Variants in CTIF observed in about 807,000 individuals in gnomAD.
CTIF encodes the protein cap binding complex dependent translation initiation factor.
Under a neutral mutation model 66.0 loss-of-function variants are expected in CTIF, and 21 were observed. The ratio of observed to expected loss-of-function variants is 0.32; its 90% confidence interval spans 0.23 to 0.46. The LOEUF is 0.46. Ranked by LOEUF, CTIF falls within the 20% of genes least tolerant of loss-of-function variation. The pLI is 1.00. For synonymous variants in CTIF, 345 were observed against 326.4 expected (o/e 1.06, Z -0.62); for missense variants, 739 against 812.7 (o/e 0.91, Z 1.10).
intron 1 of CTIF, among the ~76,000 whole-genome samples, chr18:48,575,043 G>A (rs1345683676): frequency 1.3e-5 from 2 of 152,174 alleles, no homozygotes; most frequent in Non-Finnish European, 2.9e-5. Flanking sequence ...GCTCCTTGGA[G>A]CTCCCAGTTC....
intron 7 of CTIF, among the ~76,000 whole-genome samples, chr18:48,722,677 G>A (rs2092350589): frequency 6.6e-6 from 1 of 151,568 alleles, no homozygotes; most frequent in Admixed American, 6.6e-5. Flanking sequence ...AGCGCTCACA[G>A]GTGTAAGCAC....
chr18:48,694,939 C>T (rs1192201265), intron 6 of CTIF, among the ~76,000 whole-genome samples: 2 of 152,200 alleles, frequency 1.3e-5, no homozygotes, highest in Non-Finnish European at 2.9e-5. Context: ...CATCTTTGTC[C>T]ATCTAATCTT....
chr18:48,676,779 G>T (rs1481366002), intron 6 of CTIF, among the ~76,000 whole-genome samples: 1 of 151,724 alleles, frequency 6.6e-6, no homozygotes, highest in African/African-American at 2.4e-5. Flanking sequence ...TTCCTTCCTC[G>T]TTCTTCTGCT....
chr18:48,719,755 G>A (rs1020153210), intron 7 of CTIF, among the ~76,000 whole-genome samples: 6 of 152,106 alleles, frequency 3.9e-5, no homozygotes, highest in Admixed American at 6.5e-5. Context: ...TCACATTTTT[G>A]TGCTTTTCCT....
rs2068618813 is a variant in CTIF, at chr18:48,828,019, C to T, written c.1527+10643C>T. Reference sequence around the variant, plus strand: ...ACCCACCCCACCTCCACTCCCGACCCTCTCCCCAGCCCCCACCCTTTGACT... The same window carrying T: ...ACCCACCCCACCTCCACTCCCGACCTTCTCCCCAGCCCCCACCCTTTGACT... On this transcript the variant is annotated intron_variant, in intron 10 of 11. Transcript: ENST00000256413. Among the ~76,000 whole-genome samples the T allele has an allele frequency of 4.0e-5, 6 of 151,756 alleles. No homozygotes were observed. In the South Asian group the frequency reaches 1.3e-3, roughly 32 times the overall value.
chr18:48,691,353 C>T (rs1363895067), intron 6 of CTIF, among the ~76,000 whole-genome samples: 1 of 152,180 alleles, frequency 6.6e-6, no homozygotes, highest in African/African-American at 2.4e-5. Context: ...TACTCTTCCT[C>T]TCTCCCTCCC....
chr18:48,594,298 A>G (rs2089949575), intron 1 of CTIF, among the ~76,000 whole-genome samples: 1 of 152,016 alleles, frequency 6.6e-6, no homozygotes, highest in African/African-American at 2.4e-5. Flanking sequence ...TTTTATTTTG[A>G]GCAAGAAGCC....
chr18:48,839,121 T>A (rs745738164), intron 10 of CTIF, among the ~76,000 whole-genome samples: 2 of 152,126 alleles, frequency 1.3e-5, no homozygotes, highest in Non-Finnish European at 2.9e-5. Context: ...CCACCACTTT[T>A]CTGCCTCTCC....
chr18:48,585,132 G>A (rs1028378006), intron 1 of CTIF, among the ~76,000 whole-genome samples: 1 of 152,260 alleles, frequency 6.6e-6, no homozygotes, highest in South Asian at 2.1e-4. Flanking sequence ...GGAACAATGT[G>A]TAGCCACATT....
At chr18:48,600,527 G>A (rs1048576367) in intron 1 of CTIF, among the ~76,000 whole-genome samples, 2 of 152,048 alleles carry the variant, frequency 1.3e-5, no homozygotes, top group African/African-American at 2.4e-5. Context: ...TCTCTCATTC[G>A]CCTTGGTATC....
intron 3 of CTIF, 105 bp from the exon 4 acceptor site, chr18:48,663,647 C>A: frequency 9.8e-7 from 1 of 1,017,994 alleles, no homozygotes; most frequent in Admixed American, 1.8e-5. Context: ...ACCATACTCA[C>A]TTGGGGGCTC....
At chr18:48,827,645 G>A (rs1294034252) in intron 10 of CTIF, among the ~76,000 whole-genome samples, 2 of 150,390 alleles carry the variant, frequency 1.3e-5, no homozygotes, top group East Asian at 2.0e-4. Context: ...CACAGACCCC[G>A]CCTGGAATGT....
At chr18:48,598,589 T>G (rs1325307440) in intron 1 of CTIF, among the ~76,000 whole-genome samples, 1 of 152,136 alleles carries the variant, frequency 6.6e-6, no homozygotes, top group Non-Finnish European at 1.5e-5. Flanking sequence ...TGGGAACCCT[T>G]TGGTATTTGC....
chr18:48,693,818 A>T (rs1045545845), intron 6 of CTIF, among the ~76,000 whole-genome samples: 1 of 152,202 alleles, frequency 6.6e-6, no homozygotes, highest in African/African-American at 2.4e-5. Flanking sequence ...TGTTTTTGCC[A>T]TACAGCTGCA....
intron 7 of CTIF, among the ~76,000 whole-genome samples, chr18:48,739,538 G>A (rs1295106185): frequency 6.6e-6 from 1 of 152,186 alleles, no homozygotes; most frequent in Non-Finnish European, 1.5e-5. Flanking sequence ...GAACCTCTCT[G>A]CCTCTTCCCA....
intron 7 of CTIF, among the ~76,000 whole-genome samples, chr18:48,730,175 A>AGTGTGAGGGGCCTCCGCG (rs2092425409): frequency 6.6e-6 from 1 of 151,670 alleles, no homozygotes; most frequent in South Asian, 2.1e-4. Context: ...GGGCCTCCAC[A>AGTGTGAGGGGCCTCCGCG]GTGTGAGGGG....
At chr18:48,741,406 C>T (rs1402850426) in intron 7 of CTIF, among the ~76,000 whole-genome samples, 1 of 148,970 alleles carries the variant, frequency 6.7e-6, no homozygotes, top group Admixed American at 6.8e-5. Flanking sequence ...ACTCCATCAG[C>T]CAAGTGACCA....
intron 6 of CTIF, among the ~76,000 whole-genome samples, chr18:48,693,588 G>A (rs1425087783): frequency 1.3e-5 from 2 of 152,156 alleles, no homozygotes; most frequent in African/African-American, 4.8e-5. Context: ...ATGAAGGAGT[G>A]GGGAGAGAGT....
chr18:48,859,452 C>G lies in CTIF; in HGVS notation c.1690C>G (p.Arg564Gly). 6.2e-7 allele frequency: 1 copy of G among 1,614,192 alleles called. No individual in the cohort carries two copies. The highest frequency in any genetic ancestry group is 8.5e-7 in the Non-Finnish European group (1 of 1,180,026). The change falls in exon 12 of 12, where the codon CGG becomes GGG. Residue 564 changes from arginine to glycine, a missense_variant. Around this residue, in one of 2 missense-constraint regions of CTIF, gnomAD observed 210 missense variants for 292.3 expected, o/e 0.72. Coordinates refer to ENST00000256413, the MANE Select transcript of CTIF (RefSeq NM_014772.3). ...MLCPSESMLT[R>G]SLLLEVIELH... ...GTGCCCCTCGGAGTCCATGCTGACC[C>G]GGTCGCTGCTCCTAGAGGTCATCGA...
Sources: allele counts gnomAD v4.1 joint callset (sites outside exome capture counted in the v4.1 genomes callset), GRCh38; gene constraint gnomAD v4.1.1; regional missense constraint gnomAD v4.1.1; transcripts MANE v1.5; gene names NCBI Gene and HGNC (gene_info 2026-07-23, HGNC 2026-07-21).